Variants in ADAR observed in about 807,000 individuals in gnomAD.
ADAR encodes adenosine deaminase RNA specific.
ADAR carries 41 observed loss-of-function variants against 113.2 expected under a neutral mutation model. That is an observed-to-expected ratio of 0.36 (90% confidence interval 0.28 to 0.47). ADAR has a LOEUF of 0.47. Ranked by LOEUF, ADAR falls within the 20% of genes least tolerant of loss-of-function variation. The pLI is 1.00. For missense variants in ADAR, 1,242 were observed against 1,540.9 expected, an observed-to-expected ratio of 0.81 and a Z score of 3.25; for synonymous variants, 605 against 572.6, an observed-to-expected ratio of 1.06 and a Z score of -0.81.
intron 1 of ADAR, among the ~76,000 whole-genome samples, chr1:154,622,435 C>T (rs976227219): frequency 6.6e-6 from 1 of 152,178 alleles, no homozygotes; most frequent in Non-Finnish European, 1.5e-5. Flanking sequence ...CCCCAAACTC[C>T]AGTCCAAGAG....
chr1:154,609,483 C>G (rs910838052), upstream of ADAR, among the ~76,000 whole-genome samples: 1 of 152,208 alleles, frequency 6.6e-6, no homozygotes, highest in African/African-American at 2.4e-5. Flanking sequence ...TTAACATTCC[C>G]TTGCAGGCTG....
At position 154,602,226 on chromosome 1, in the gene ADAR, T is replaced by G. The variant is rs1247585078; in HGVS notation, c.416A>C (p.Gln139Pro). Residue 139 changes from glutamine (Q) to proline (P), a missense_variant, in exon 2 of 15, where the codon CAG becomes CCG. Physicochemically the swap from Gln to Pro is moderately conservative, Grantham distance 76. Transcript: ENST00000368474. ...HFQELSIYQD[Q>P]EQRILKFLEE... ...CAGGAACTTTAAGATCCTTTGTTCC[T>G]GATCTTGGTAGATACTCAGTTCCTG... 2.5e-6 allele frequency: 4 copies of G among 1,614,252 alleles called. No homozygotes were observed.
chr1:154,601,458 G>A lies in ADAR; in HGVS notation c.1184C>T (p.Pro395Leu). ...RNAEFLTCNI[P>L]TSNASNNMVT... is the part of the protein sequence containing the mutation. ...CATGTTATTTGAGGCATTTGATGTGGGTATATTACAGGTGAGGAACTCTGC... is the reference window on the plus strand; with the variant it reads ...CATGTTATTTGAGGCATTTGATGTGAGTATATTACAGGTGAGGAACTCTGC... Residue 395 changes from proline (P) to leucine (L), a missense_variant, in exon 2 of 15, where the codon CCC (proline) becomes CTC (leucine). Pro to Leu is a moderately conservative substitution (Grantham distance 98). Transcript: ENST00000368474. The surrounding 1 kb of genome is among the most constrained non-coding windows in gnomAD (Gnocchi z 4.7). 1 of 1,614,164 alleles carries A rather than the reference G, an allele frequency of 6.2e-7. No individual in the cohort carries two copies.
At chr1:154,613,728 A>C (rs1263784831) in intron 1 of ADAR, among the ~76,000 whole-genome samples, 1 of 152,050 alleles carries the variant, frequency 6.6e-6, no homozygotes, top group African/African-American at 2.4e-5. Context: ...AACATAGAGA[A>C]ACTCCGTCTT....
In ADAR at chr1:154,597,234, A is replaced by G; in HGVS notation, c.1968T>C (p.Thr656=). Reference sequence around the variant, plus strand: ...TGCTGGGAGCACTCACACTGGGGAAAGTTTGGGCTCCCACTGCAACACAGT... The same window carrying G: ...TGCTGGGAGCACTCACACTGGGGAAGGTTTGGGCTCCCACTGCAACACAGT... ...FQYCVAVGAQ[T]FPSVSAPSKK... is the part of the protein sequence containing the mutation. Residue 656 remains threonine (T), a synonymous_variant, in exon 5 of 15, where the codon ACT becomes ACC. Coordinates refer to ENST00000368474, the MANE Select transcript of ADAR (RefSeq NM_001111.5). 6.2e-7 allele frequency: 1 copy of G among 1,614,112 alleles called. No individual in the cohort carries two copies. The highest frequency in any genetic ancestry group is 1.3e-5 in the African/African-American group (1 of 75,016).
At chr1:154,590,135 A>AGGGGGGGGG in intron 7 of ADAR, 49 bp downstream of exon 7, 2 of 1,205,020 alleles carry the variant, frequency 1.7e-6, no homozygotes, top group Non-Finnish European at 2.4e-6. Flanking sequence ...CTTAGGAGTT[A>AGGGGGGGGG]GGAGGACCCC....
At chr1:154,620,756 T>C (rs1698770100) in intron 1 of ADAR, among the ~76,000 whole-genome samples, 1 of 152,244 alleles carries the variant, frequency 6.6e-6, no homozygotes, top group Non-Finnish European at 1.5e-5. Flanking sequence ...GGGAGCTTTC[T>C]GAGGTAATGA....
chr1:154,585,722 T>C (rs1696714383), intron 13 of ADAR, 31 bp downstream of exon 13: 1 of 1,567,404 alleles, frequency 6.4e-7, no homozygotes, highest in African/African-American at 1.4e-5. Flanking sequence ...AGGAGGAAAA[T>C]GTCAGGGAAA....
chr1:154,585,413 C>G, intron 13 of ADAR, 69 bp from the exon 14 acceptor site: 2 of 1,608,108 alleles, frequency 1.2e-6, no homozygotes, highest in Non-Finnish European at 1.7e-6. Flanking sequence ...AGCAGGGACT[C>G]AAGACTCATA....
At chr1:154,590,691 G>A (rs1245137206) in intron 6 of ADAR, among the ~76,000 whole-genome samples, 1 of 151,914 alleles carries the variant, frequency 6.6e-6, no homozygotes, top group Admixed American at 6.6e-5. Context: ...AGCAACTTGA[G>A]GAGCTAAGGT....
chr1:154,614,013 C>CA (rs1698564677), intron 1 of ADAR, among the ~76,000 whole-genome samples: 1 of 149,130 alleles, frequency 6.7e-6, no homozygotes, highest in Non-Finnish European at 1.5e-5. Flanking sequence ...TATCTAGTAA[C>CA]AAAGAAAAAA....
At chr1:154,588,385 G>A in intron 10 of ADAR, 127 bp from the exon 11 acceptor site, 1 of 1,501,578 alleles carries the variant, frequency 6.7e-7, no homozygotes, top group Non-Finnish European at 9.2e-7. Flanking sequence ...GACTGGAGGT[G>A]GACAGCAGTA....
upstream of ADAR, among the ~76,000 whole-genome samples, chr1:154,608,456 G>C (rs1231844849): frequency 6.9e-6 from 1 of 144,454 alleles, no homozygotes; most frequent in African/African-American, 2.5e-5. Context: ...AGCCTACGGA[G>C]TAGCTGGGAT....
At chr1:154,616,903 C>T (rs1252691680) in intron 1 of ADAR, among the ~76,000 whole-genome samples, 1 of 152,238 alleles carries the variant, frequency 6.6e-6, no homozygotes, top group Non-Finnish European at 1.5e-5. Flanking sequence ...GCCCACTGCC[C>T]TCTCCAGCAC....
chr1:154,624,214 C>T (rs1190354892), intron 1 of ADAR, among the ~76,000 whole-genome samples: 1 of 152,142 alleles, frequency 6.6e-6, no homozygotes, highest in Non-Finnish European at 1.5e-5. Context: ...TTAATTTACA[C>T]TGGGTTTGTG....
intron 2 of ADAR, 106 bp downstream of exon 2, chr1:154,600,935 A>G: frequency 6.7e-7 from 1 of 1,490,918 alleles, no homozygotes; most frequent in Non-Finnish European, 9.3e-7. Context: ...GAAGGAGGAA[A>G]AGATAGGCGC....
intron 12 of ADAR, 41 bp from the exon 13 acceptor site, chr1:154,585,906 C>A (rs764972124): frequency 6.5e-7 from 1 of 1,549,336 alleles, no homozygotes; most frequent in Non-Finnish European, 8.9e-7. Context: ...TGTGTTTGCA[C>A]CAAATGCTGT....
At chr1:154,587,979 C>G in intron 11 of ADAR, 146 bp downstream of exon 11, 2 of 1,286,642 alleles carry the variant, frequency 1.6e-6, no homozygotes, top group Non-Finnish European at 2.2e-6. Context: ...CCACACAGCT[C>G]CCTGACCCAG....
At chr1:154,590,152 C>CT (rs774134911) in intron 7 of ADAR, 32 bp downstream of exon 7, 1 of 1,333,068 alleles carries the variant, frequency 7.5e-7, no homozygotes, top group African/African-American at 1.5e-5. Flanking sequence ...CCCCCCCGCC[C>CT]CAAAAAAGGC....
Sources: gnomAD v4.1 joint callset for allele counts (sites outside exome capture counted in the v4.1 genomes callset) on GRCh38, gnomAD v4.1.1 for gene constraint, Gnocchi (gnomAD v3.1) non-coding constraint, MANE v1.5 for transcripts, NCBI Gene and HGNC (gene_info 2026-07-23, HGNC 2026-07-21) for gene names.